The following CNTN5 variants were observed in gnomAD, a reference collection of about 807,000 sequenced individuals.
CNTN5 encodes contactin-5.
Under a neutral mutation model 129.1 loss-of-function variants are expected in CNTN5, and 77 were observed. The observed-to-expected ratio is 0.60, with a 90% CI of 0.50 to 0.72. CNTN5 has a LOEUF of 0.72. Ranked by LOEUF, CNTN5 falls within the 30% of genes least tolerant of loss-of-function variation. The probability of loss-of-function intolerance (pLI) is 0.00; values close to 1 mark genes in which losing one functional copy is unlikely to be tolerated. For missense variants in CNTN5, 1,478 were observed against 1,328.8 expected (o/e 1.11, Z -1.75); for synonymous variants, 509 against 465.6 (o/e 1.09, Z -1.20).
intron 2 of CNTN5, among the ~76,000 whole-genome samples, chr11:99,356,445 CTCAG>C (rs1254685138): frequency 6.6e-6 from 1 of 152,214 alleles, no homozygotes; most frequent in Non-Finnish European, 1.5e-5. Flanking sequence ...TACAGGATTG[CTCAG>C]TCAATCTTAT....
At chr11:100,034,148 C>T (rs1362630311) in intron 9 of CNTN5, among the ~76,000 whole-genome samples, 2 of 152,172 alleles carry the variant, frequency 1.3e-5, no homozygotes, top group African/African-American at 4.8e-5. Flanking sequence ...GCAGAGCTCA[C>T]TCTCAAGTTT....
At chr11:99,832,267 T>C (rs1947165948) in intron 4 of CNTN5, among the ~76,000 whole-genome samples, 1 of 152,172 alleles carries the variant, frequency 6.6e-6, no homozygotes, top group Admixed American at 6.5e-5. Context: ...CATTTAACAA[T>C]GCATTCCAAT....
chr11:99,131,187 G>C (rs1283498946), intron 1 of CNTN5, among the ~76,000 whole-genome samples: 1 of 140,116 alleles, frequency 7.1e-6, no homozygotes, highest in Non-Finnish European at 1.5e-5. Flanking sequence ...GGCGGAGCTT[G>C]CAGTGAGCTG....
At chr11:100,142,576 G>A (rs1424275104) in intron 13 of CNTN5, among the ~76,000 whole-genome samples, 2 of 152,142 alleles carry the variant, frequency 1.3e-5, no homozygotes, top group African/African-American at 4.8e-5. Flanking sequence ...TTTATTCAGT[G>A]TCTCCAAGCG....
chr11:99,383,730 A>G (rs1034077242), intron 2 of CNTN5, among the ~76,000 whole-genome samples: 4 of 152,132 alleles, frequency 2.6e-5, no homozygotes, highest in African/African-American at 4.8e-5. Context: ...GTATGCTATT[A>G]AGAAATGCTT....
chr11:99,489,928 A>G (rs528329580), intron 2 of CNTN5, among the ~76,000 whole-genome samples: 1 of 152,296 alleles, frequency 6.6e-6, no homozygotes, highest in East Asian at 1.9e-4. Context: ...ATACTTTTGC[A>G]TATTATGGGG....
chr11:100,040,422 C>T (rs547457805), intron 9 of CNTN5, among the ~76,000 whole-genome samples: 147 of 152,318 alleles, frequency 9.7e-4, no homozygotes, highest in African/African-American at 3.5e-3. Context: ...GGTCATGGAC[C>T]CACTTGAGGA....
intron 9 of CNTN5, among the ~76,000 whole-genome samples, chr11:100,024,501 T>A (rs1941311827): frequency 6.6e-6 from 1 of 151,788 alleles, no homozygotes; most frequent in Non-Finnish European, 1.5e-5. Flanking sequence ...CAGGCAGAGG[T>A]TGGAACAGTT....
At chr11:99,930,963 T>A (rs1223543776) in intron 7 of CNTN5, among the ~76,000 whole-genome samples, 3 of 152,174 alleles carry the variant, frequency 2.0e-5, no homozygotes, top group African/African-American at 7.2e-5. Context: ...TATTATATCA[T>A]GTCTGTTTTC....
chr11:99,652,332 A>G (rs923993283), intron 3 of CNTN5, among the ~76,000 whole-genome samples: 4 of 152,018 alleles, frequency 2.6e-5, no homozygotes, highest in East Asian at 1.9e-4. Context: ...AGTTGGTTAT[A>G]ATAGCATCTT....
At chr11:99,269,341 G>T (rs369466408) in intron 1 of CNTN5, among the ~76,000 whole-genome samples, 1 of 149,286 alleles carries the variant, frequency 6.7e-6, no homozygotes. Flanking sequence ...ATTTTTATTT[G>T]TTCCCTGATT....
chr11:99,399,152 T>TG (rs1941673709), intron 2 of CNTN5, among the ~76,000 whole-genome samples: 2 of 73,688 alleles, frequency 2.7e-5, no homozygotes, highest in East Asian at 1.3e-3. Flanking sequence ...TAAGCATTTG[T>TG]GGAATAAAAA....
rs199794950 is a variant in CNTN5, at chr11:100,271,227, G to A, written c.2300G>A (p.Arg767His). 112 of 1,600,340 alleles carry A rather than the reference G, an allele frequency of 7.0e-5. No individual in the cohort carries two copies. Among genetic ancestry groups the A allele is most frequent in the Non-Finnish European group, 8.2e-5 (96 of 1,175,582 alleles). The part of the protein sequence containing the change: ...GDPSTPSRMI[R>H]TNEAVPKTAP... Reference sequence around the variant, plus strand: ...CCAAGCACCCCATCTCGAATGATCCGCACAAATGAAGCAGGTAAAAATTTG... The same window carrying A: ...CCAAGCACCCCATCTCGAATGATCCACACAAATGAAGCAGGTAAAAATTTG... The change falls in exon 18 of 25, where the codon CGC (arginine) becomes CAC (histidine). Residue 767 changes from arginine to histidine, a missense_variant. By Grantham distance (29) the Arg-to-His change is conservative. Coordinates refer to ENST00000524871, the MANE Select transcript of CNTN5 (RefSeq NM_014361.4).
At chr11:99,994,308 T>A (rs1939309987) in intron 8 of CNTN5, among the ~76,000 whole-genome samples, 1 of 136,570 alleles carries the variant, frequency 7.3e-6, no homozygotes, top group South Asian at 2.2e-4. Context: ...CTGAAGAGCC[T>A]AAAATGTCGT....
chr11:99,181,751 A>T (rs1393892864), intron 1 of CNTN5, among the ~76,000 whole-genome samples: 1 of 152,124 alleles, frequency 6.6e-6, no homozygotes, highest in African/African-American at 2.4e-5. Flanking sequence ...TAGGGGCAGG[A>T]TCTGATGGAC....
intron 13 of CNTN5, among the ~76,000 whole-genome samples, chr11:100,119,254 T>C (rs1945938692): frequency 1.3e-5 from 2 of 151,900 alleles, no homozygotes; most frequent in African/African-American, 4.8e-5. Context: ...TAGAAACACA[T>C]ATTACTACAG....
intron 15 of CNTN5, among the ~76,000 whole-genome samples, chr11:100,206,169 A>T (rs1274147449): frequency 6.6e-6 from 1 of 152,052 alleles, no homozygotes; most frequent in Non-Finnish European, 1.5e-5. Context: ...GACTTCCTAA[A>T]CCAAATGTTA....
chr11:100,115,469 G>C (rs1383836409), intron 13 of CNTN5, among the ~76,000 whole-genome samples: 4 of 152,048 alleles, frequency 2.6e-5, no homozygotes, highest in Non-Finnish European at 2.9e-5. Context: ...AGAGAGAACT[G>C]TCCTGGGGGA....
chr11:100,038,221 A>G (rs2137657764), intron 9 of CNTN5, among the ~76,000 whole-genome samples: 1 of 152,018 alleles, frequency 6.6e-6, no homozygotes, highest in South Asian at 2.1e-4. Context: ...TCATTTCGTT[A>G]TGTACCCAGT....
Sources: allele counts gnomAD v4.1 joint callset (sites outside exome capture counted in the v4.1 genomes callset), GRCh38; gene constraint gnomAD v4.1.1; transcripts MANE v1.5; gene names NCBI Gene and HGNC (gene_info 2026-07-23, HGNC 2026-07-21).